Variants in CDKAL1 observed in about 807,000 individuals in gnomAD.
CDKAL1 encodes CDKAL1 threonylcarbamoyladenosine tRNA methylthiotransferase, also known as threonylcarbamoyladenosine tRNA methylthiotransferase.
A neutral mutation model predicts 68.2 loss-of-function variants in CDKAL1; 32 were observed. That is an observed-to-expected ratio of 0.47 (90% confidence interval 0.35 to 0.63). CDKAL1 has a LOEUF of 0.63. Ranked by LOEUF, CDKAL1 falls within the 30% of genes least tolerant of loss-of-function variation. CDKAL1 has a pLI of 0.00. For missense variants in CDKAL1, 606 were observed against 696.7 expected (o/e 0.87, Z 1.47); for synonymous variants, 234 against 244.3 (o/e 0.96, Z 0.39).
At chr6:20,723,222 G>A (rs542608589) in intron 5 of CDKAL1, among the ~76,000 whole-genome samples, 19 of 152,254 alleles carry the variant, frequency 1.2e-4, no homozygotes, top group East Asian at 5.8e-4. Flanking sequence ...CTTCAGGGTC[G>A]TGGGCACCCT....
intron 13 of CDKAL1, among the ~76,000 whole-genome samples, chr6:21,169,929 C>CCT (rs1554191161): frequency 1.5e-5 from 2 of 136,212 alleles, no homozygotes; most frequent in Non-Finnish European, 3.1e-5. Flanking sequence ...AGACCCCCCC[C>CCT]ACCCCATGAT....
At chr6:21,019,381 G>A (rs1390838920) in intron 11 of CDKAL1, among the ~76,000 whole-genome samples, 1 of 152,072 alleles carries the variant, frequency 6.6e-6, no homozygotes, top group African/African-American at 2.4e-5. Context: ...CATTTCTACA[G>A]TTGCCCATTT....
At chr6:20,623,051 T>G (rs1011965492) in intron 4 of CDKAL1, among the ~76,000 whole-genome samples, 2 of 152,060 alleles carry the variant, frequency 1.3e-5, no homozygotes, top group Non-Finnish European at 2.9e-5. Context: ...GTATGGATTT[T>G]TTGGGGAAGA....
chr6:20,664,767 C>A (rs1769447549), intron 5 of CDKAL1, among the ~76,000 whole-genome samples: 1 of 152,084 alleles, frequency 6.6e-6, no homozygotes, highest in South Asian at 2.1e-4. Flanking sequence ...AAATTCTCTT[C>A]TATCTAGGCT....
intron 9 of CDKAL1, among the ~76,000 whole-genome samples, chr6:20,940,459 C>T (rs1763916330): frequency 6.6e-6 from 1 of 151,910 alleles, no homozygotes; most frequent in Non-Finnish European, 1.5e-5. Flanking sequence ...TTCTAGTAGC[C>T]GCATTAAAAA....
intron 13 of CDKAL1, among the ~76,000 whole-genome samples, chr6:21,180,878 G>GT (rs1777760836): frequency 6.6e-6 from 1 of 152,082 alleles, no homozygotes. Flanking sequence ...ACTTGTCTTA[G>GT]TCTTTTTTTT....
chr6:20,590,432 C>T lies in CDKAL1; in HGVS notation c.286+41727C>T, dbSNP rs150677064. The stretch of plus-strand genomic sequence containing the variant: ...GGTTTGTTCAAAACATAGGTATACA[C>T]GTGCCACGGTGGTTTGCTGCACCCA... On this transcript the variant is annotated intron_variant, in intron 4 of 15. Transcript: ENST00000274695. Among the ~76,000 whole-genome samples the T allele has an allele frequency of 4.0e-3, 603 of 152,146 alleles. 3 individuals carry two copies. The highest frequency in any genetic ancestry group is 6.3e-3 in the Non-Finnish European group (428 of 67,990).
intron 8 of CDKAL1, among the ~76,000 whole-genome samples, chr6:20,784,862 AAATT>A (rs1775602643): frequency 6.6e-6 from 1 of 152,232 alleles, no homozygotes; most frequent in African/African-American, 2.4e-5. Context: ...CATTAATTAA[AAATT>A]AATCTTAAAA....
intron 13 of CDKAL1, among the ~76,000 whole-genome samples, chr6:21,144,358 A>C (rs1041843988): frequency 1.3e-5 from 2 of 152,222 alleles, no homozygotes; most frequent in Non-Finnish European, 2.9e-5. Context: ...AGTCACATAA[A>C]TGAACAACTG....
chr6:20,701,885 T>C (rs1256750101), intron 5 of CDKAL1, among the ~76,000 whole-genome samples: 2 of 152,126 alleles, frequency 1.3e-5, no homozygotes, highest in Non-Finnish European at 1.5e-5. Flanking sequence ...AAGAGATTGA[T>C]TAGAAAAGGA....
intron 13 of CDKAL1, among the ~76,000 whole-genome samples, chr6:21,140,047 A>G (rs1300522490): frequency 2.6e-5 from 4 of 152,088 alleles, no homozygotes; most frequent in Non-Finnish European, 4.4e-5. Context: ...TACTGTTCTG[A>G]TAGAGGATTT....
intron 12 of CDKAL1, among the ~76,000 whole-genome samples, chr6:21,089,923 A>G (rs968040427): frequency 5.3e-5 from 8 of 152,242 alleles, no homozygotes; most frequent in Non-Finnish European, 1.2e-4. Flanking sequence ...ACAACCAATT[A>G]AAATAGGAAG....
At chr6:20,592,902 C>T (rs1489434693) in intron 4 of CDKAL1, among the ~76,000 whole-genome samples, 1 of 151,832 alleles carries the variant, frequency 6.6e-6, no homozygotes, top group Admixed American at 6.6e-5. Flanking sequence ...TTATCGAAGG[C>T]CTTTTCTGCA....
chr6:21,071,712 T>A (rs1368114216), intron 12 of CDKAL1, among the ~76,000 whole-genome samples: 1 of 151,942 alleles, frequency 6.6e-6, no homozygotes, highest in Non-Finnish European at 1.5e-5. Flanking sequence ...TAGGCTATCA[T>A]GTATCTTCCT....
intron 4 of CDKAL1, among the ~76,000 whole-genome samples, chr6:20,595,361 G>T (rs1238439138): frequency 6.6e-6 from 1 of 152,022 alleles, no homozygotes; most frequent in East Asian, 1.9e-4. Context: ...TGGAGGCCTT[G>T]TTCATTCCTT....
At chr6:21,114,296 G>A (rs1487311556) in intron 13 of CDKAL1, among the ~76,000 whole-genome samples, 1 of 150,484 alleles carries the variant, frequency 6.6e-6, no homozygotes, top group Non-Finnish European at 1.5e-5. Context: ...AATAAGTGTT[G>A]ATAGTTGGGT....
chr6:21,145,552 A>T (rs1222369122), intron 13 of CDKAL1, among the ~76,000 whole-genome samples: 1 of 152,180 alleles, frequency 6.6e-6, no homozygotes, highest in Non-Finnish European at 1.5e-5. Context: ...TAGGGGACCA[A>T]GTTAATGTCA....
chr6:20,984,601 G>T (rs183818659), intron 10 of CDKAL1, among the ~76,000 whole-genome samples: 20 of 152,284 alleles, frequency 1.3e-4, no homozygotes, highest in Admixed American at 1.1e-3. Flanking sequence ...AAATGCAGAG[G>T]ATTTTTATTA....
chr6:20,705,677 G>A (rs774611650), intron 5 of CDKAL1, among the ~76,000 whole-genome samples: 9 of 152,200 alleles, frequency 5.9e-5, no homozygotes, highest in Non-Finnish European at 1.2e-4. Flanking sequence ...ACCATATATA[G>A]GGTATTCACT....
Sources: gnomAD v4.1 joint callset for allele counts (sites outside exome capture counted in the v4.1 genomes callset) on GRCh38, gnomAD v4.1.1 for gene constraint, MANE v1.5 for transcripts, NCBI Gene and HGNC (gene_info 2026-07-23, HGNC 2026-07-21) for gene names.